The following CNTN5 variants were observed in gnomAD, a reference collection of about 807,000 sequenced individuals.
CNTN5 encodes contactin-5.
In CNTN5, 77 loss-of-function variants were observed where a neutral mutation model predicts 129.1. That is an observed-to-expected ratio of 0.60 (90% confidence interval 0.50 to 0.72). CNTN5 has a LOEUF of 0.72. Ranked by LOEUF, CNTN5 falls within the 30% of genes least tolerant of loss-of-function variation. CNTN5 has a pLI of 0.00. For missense variants in CNTN5, 1,478 were observed against 1,328.8 expected (o/e 1.11, Z -1.75); for synonymous variants, 509 against 465.6 (o/e 1.09, Z -1.20).
chr11:100,297,909 A>G (rs1951130446), intron 19 of CNTN5, among the ~76,000 whole-genome samples: 1 of 151,486 alleles, frequency 6.6e-6, no homozygotes, highest in African/African-American at 2.4e-5. Context: ...GATTTTCTTC[A>G]TTTTACAAAT....
chr11:99,568,904 T>C (rs1949088783), intron 3 of CNTN5, among the ~76,000 whole-genome samples: 2 of 152,202 alleles, frequency 1.3e-5, no homozygotes, highest in South Asian at 4.1e-4. Context: ...CAGAAGATTT[T>C]TCTTTTCTAT....
In CNTN5 at chr11:99,260,516, G is replaced by T. The variant is rs529959493; in HGVS notation, c.-209-64830G>T. Reference sequence around the variant, plus strand: ...TGGAAGTTTACAATCATCAAAAGGAGATTCTTTTATCTCTTCCTTTAAATG... The same window carrying T: ...TGGAAGTTTACAATCATCAAAAGGATATTCTTTTATCTCTTCCTTTAAATG... On this transcript the variant is annotated intron_variant, in intron 1 of 24. Coordinates refer to ENST00000524871, the MANE Select transcript of CNTN5 (RefSeq NM_014361.4). Among the ~76,000 whole-genome samples, 470 of 151,876 alleles carry T rather than the reference G, an allele frequency of 3.1e-3. 3 individuals are homozygous for T. Among genetic ancestry groups the T allele is most frequent in the Non-Finnish European group, 6.1e-3 (414 of 67,806 alleles).
intron 2 of CNTN5, among the ~76,000 whole-genome samples, chr11:99,409,667 G>C (rs1438836504): frequency 6.6e-6 from 1 of 152,170 alleles, no homozygotes; most frequent in African/African-American, 2.4e-5. Context: ...GTAAAACAAG[G>C]AGAGAAAAAT....
intron 3 of CNTN5, among the ~76,000 whole-genome samples, chr11:99,564,947 G>GT (rs1022563986): frequency 6.6e-6 from 1 of 151,876 alleles, no homozygotes; most frequent in Non-Finnish European, 1.5e-5. Flanking sequence ...CAGCTAATGG[G>GT]TTTTTTTAAC....
Position 99,159,493 on chromosome 11 carries a change from G to C in CNTN5, c.-210+138223G>C, listed in dbSNP as rs147278639. Among the ~76,000 whole-genome samples the C allele has an allele frequency of 5.9e-5, 9 of 152,026 alleles. No homozygotes were observed. In the East Asian group the frequency reaches 1.4e-3, roughly 23 times the overall value. On this transcript the variant is annotated intron_variant, in intron 1 of 24. Coordinates refer to ENST00000524871, the MANE Select transcript of CNTN5 (RefSeq NM_014361.4). Reference sequence around the variant, plus strand: ...AAAAAGTAGCCGGGCATAGTGGCGGGCGCCTGTAGTCCCAGCTACTCAGGA... The same window carrying C: ...AAAAAGTAGCCGGGCATAGTGGCGGCCGCCTGTAGTCCCAGCTACTCAGGA...
intron 3 of CNTN5, among the ~76,000 whole-genome samples, chr11:99,734,963 G>T (rs889852710): frequency 1.3e-5 from 2 of 152,198 alleles, no homozygotes; most frequent in Non-Finnish European, 2.9e-5. Flanking sequence ...AGCCGAGATA[G>T]CACCACTGCA....
At chr11:99,642,060 G>T (rs994607789) in intron 3 of CNTN5, among the ~76,000 whole-genome samples, 2 of 151,908 alleles carry the variant, frequency 1.3e-5, no homozygotes, top group East Asian at 1.9e-4. Flanking sequence ...TCCTTTTCTG[G>T]GATTTTTCTA....
At chr11:100,111,392 A>C (rs1270694141) in intron 13 of CNTN5, among the ~76,000 whole-genome samples, 1 of 152,202 alleles carries the variant, frequency 6.6e-6, no homozygotes, top group Non-Finnish European at 1.5e-5. Flanking sequence ...AAATGATGAA[A>C]GGCATATGTC....
chr11:100,253,785 T>C (rs1950017107), intron 16 of CNTN5, among the ~76,000 whole-genome samples: 1 of 152,178 alleles, frequency 6.6e-6, no homozygotes, highest in Non-Finnish European at 1.5e-5. Flanking sequence ...TATTTTTTCA[T>C]AAATCCTAGA....
intron 2 of CNTN5, among the ~76,000 whole-genome samples, chr11:99,454,916 G>A (rs1303889896): frequency 6.6e-6 from 1 of 152,096 alleles, no homozygotes; most frequent in Non-Finnish European, 1.5e-5. Flanking sequence ...ACAGAAAATA[G>A]TTGACACAGA....
At chr11:99,964,626 T>A (rs1245895272) in intron 8 of CNTN5, among the ~76,000 whole-genome samples, 1 of 152,134 alleles carries the variant, frequency 6.6e-6, no homozygotes, top group Non-Finnish European at 1.5e-5. Flanking sequence ...TCTCTTTTTT[T>A]TGTTGTGTCT....
At chr11:99,928,054 C>T (rs913808569) in intron 7 of CNTN5, among the ~76,000 whole-genome samples, 1 of 152,148 alleles carries the variant, frequency 6.6e-6, no homozygotes, top group South Asian at 2.1e-4. Flanking sequence ...AGGCCCCATG[C>T]AAGTCCTAAA....
intron 1 of CNTN5, among the ~76,000 whole-genome samples, chr11:99,142,574 GA>G (rs1859575220): frequency 6.6e-6 from 1 of 152,086 alleles, no homozygotes; most frequent in Non-Finnish European, 1.5e-5. Context: ...AAGACTGGCA[GA>G]CCAGACTGGA....
chr11:99,930,461 C>T (rs560556636), intron 7 of CNTN5, among the ~76,000 whole-genome samples: 3 of 152,158 alleles, frequency 2.0e-5, no homozygotes, highest in Non-Finnish European at 4.4e-5. Context: ...GTTCCTTCCC[C>T]TCGTGCCAGT....
intron 23 of CNTN5, among the ~76,000 whole-genome samples, chr11:100,341,965 A>T (rs757661761): frequency 4.0e-5 from 6 of 151,820 alleles, no homozygotes; most frequent in African/African-American, 7.2e-5. Flanking sequence ...ATAATATTTC[A>T]ACTGAAAGCT....
intron 1 of CNTN5, among the ~76,000 whole-genome samples, chr11:99,208,986 A>G (rs966952263): frequency 6.6e-6 from 1 of 152,096 alleles, no homozygotes; most frequent in African/African-American, 2.4e-5. Context: ...GGCCTATTTA[A>G]TATGTCATTA....
chr11:99,330,017 T>C lies in CNTN5; in HGVS notation c.-71+4533T>C, dbSNP rs551319861. Among the ~76,000 whole-genome samples, 5 of 150,056 alleles carry C rather than the reference T, an allele frequency of 3.3e-5. No individual in the cohort carries two copies. In the South Asian group the frequency reaches 1.1e-3, roughly 32 times the overall value. ...GTTTAGCAGATGGTTATTATTGTCA[T>C]AGAATAAGTAGCATACATTTTTAAC... On this transcript the variant is annotated intron_variant, in intron 2 of 24. Transcript: ENST00000524871.
intron 1 of CNTN5, among the ~76,000 whole-genome samples, chr11:99,241,209 G>C (rs1329266591): frequency 2.0e-5 from 3 of 151,740 alleles, no homozygotes; most frequent in Admixed American, 2.0e-4. Flanking sequence ...TTATTTCCTT[G>C]GATGTGTACT....
At chr11:99,695,973 A>C (rs1298720264) in intron 3 of CNTN5, among the ~76,000 whole-genome samples, 1 of 152,110 alleles carries the variant, frequency 6.6e-6, no homozygotes, top group Non-Finnish European at 1.5e-5. Context: ...TATGGTAAGC[A>C]CCATATAGAT....
Sources: allele counts gnomAD v4.1 joint callset (sites outside exome capture counted in the v4.1 genomes callset), GRCh38; gene constraint gnomAD v4.1.1; transcripts MANE v1.5; gene names NCBI Gene and HGNC (gene_info 2026-07-23, HGNC 2026-07-21).